GABRA2: variants seen among roughly 807,000 people sequenced by gnomAD.
GABRA2 encodes the protein gamma-aminobutyric acid receptor subunit alpha-2.
Under a neutral mutation model 48.7 loss-of-function variants are expected in GABRA2, and 16 were observed. The ratio of observed to expected loss-of-function variants is 0.33; its 90% CI spans 0.22 to 0.50. The LOEUF is 0.50. Ranked by LOEUF, GABRA2 falls within the 20% of genes least tolerant of loss-of-function variation. GABRA2 has a pLI of 0.98. For synonymous variants in GABRA2, 185 were observed against 184.5 expected, an observed-to-expected ratio of 1.00 and a Z score of -0.02; for missense variants, 275 against 535.6, an observed-to-expected ratio of 0.51 and a Z score of 4.80.
intron 4 of GABRA2, among the ~76,000 whole-genome samples, chr4:46,328,134 A>G (rs1292744751): frequency 6.6e-6 from 1 of 152,044 alleles, no homozygotes; most frequent in Non-Finnish European, 1.5e-5. Flanking sequence ...ATACATTTCA[A>G]AAATTAATTA....
At chr4:46,266,170 C>T (rs557878868) in intron 8 of GABRA2, among the ~76,000 whole-genome samples, 1 of 151,084 alleles carries the variant, frequency 6.6e-6, no homozygotes, top group Admixed American at 6.6e-5. Flanking sequence ...GTCTAGTTGG[C>T]GTATTCTCTA....
chr4:46,316,599 T>G (rs1438284892), intron 4 of GABRA2, among the ~76,000 whole-genome samples: 16 of 152,018 alleles, frequency 1.1e-4, no homozygotes, highest in Non-Finnish European at 2.4e-4. Context: ...ATTTATATTC[T>G]CACTAGAAGT....
intron 5 of GABRA2, among the ~76,000 whole-genome samples, chr4:46,312,031 G>A (rs987591774): frequency 6.6e-6 from 1 of 152,120 alleles, no homozygotes; most frequent in Non-Finnish European, 1.5e-5. Flanking sequence ...CCCAGGAAGC[G>A]GAGGTTGAAG....
At position 46,244,958 on chromosome 4, in the gene GABRA2, C is replaced by A. The variant is rs912659554; in HGVS notation, c.*5350G>T. 6.6e-6 allele frequency among the ~76,000 whole-genome samples: 1 copy of A among 151,192 alleles called. No homozygotes were observed. The highest frequency in any genetic ancestry group is 1.5e-5 in the Non-Finnish European group (1 of 67,506). On this transcript the variant is annotated 3_prime_UTR_variant, in exon 10 of 10. Coordinates refer to ENST00000381620, the MANE Select transcript of GABRA2 (RefSeq NM_000807.4). ...ATGGCTCCCTTATTGAATGAATATT[C>A]CCCAAAAGGCATGAATATAAATTTG...
At position 46,307,699 on chromosome 4, in the gene GABRA2, T is replaced by C. The variant is rs144666504; in HGVS notation, c.560-1988A>G. On this transcript the variant is annotated intron_variant, in intron 6 of 9. Coordinates refer to ENST00000381620, the MANE Select transcript of GABRA2 (RefSeq NM_000807.4). ...ATAATATTTGAACTATGTTCTTTAC[T>C]GCTATGGAAGATGGAAATCTAGAGA... 3.3e-3 allele frequency among the ~76,000 whole-genome samples: 498 copies of C among 152,304 alleles called. 1 individual carries two copies. Among genetic ancestry groups the C allele is most frequent in the African/African-American group, 0.011 (448 of 41,584 alleles).
At chr4:46,260,088 T>C (rs568039897) in intron 9 of GABRA2, among the ~76,000 whole-genome samples, 2 of 151,888 alleles carry the variant, frequency 1.3e-5, no homozygotes, top group Non-Finnish European at 2.9e-5. Flanking sequence ...TGGTATTATA[T>C]TGTCGGATTT....
At chr4:46,353,615 C>G (rs935848966) in intron 3 of GABRA2, among the ~76,000 whole-genome samples, 1 of 152,098 alleles carries the variant, frequency 6.6e-6, no homozygotes, top group African/African-American at 2.4e-5. Flanking sequence ...TGTTTCACAT[C>G]TTTTGAACTG....
intron 3 of GABRA2, chr4:46,366,435 G>A (rs1164084681): frequency 6.6e-6 from 1 of 152,056 alleles, no homozygotes; most frequent in East Asian, 1.9e-4. Context: ...CTCCTCCAAA[G>A]CATACATATA....
chr4:46,279,202 C>T (rs1721053212), intron 8 of GABRA2, among the ~76,000 whole-genome samples: 1 of 152,042 alleles, frequency 6.6e-6, no homozygotes, highest in Non-Finnish European at 1.5e-5. Context: ...TGATACAGCA[C>T]TCTGATTTCC....
rs572407144 is a variant in GABRA2, at chr4:46,335,619, G to A, written c.188-2937C>T. On this transcript the variant is annotated intron_variant, in intron 3 of 9. Coordinates refer to ENST00000381620, the MANE Select transcript of GABRA2 (RefSeq NM_000807.4). ...CTCCCAAGTAACTGGGACTACAGAC[G>A]CACACCACGTCCAGCTAGTTTTTGT... 1.6e-3 allele frequency among the ~76,000 whole-genome samples: 245 copies of A among 152,128 alleles called. 1 individual carries two copies. The highest frequency in any genetic ancestry group is 2.9e-3 in the Non-Finnish European group (196 of 67,982).
chr4:46,387,180 G>A (rs1240426320), intron 2 of GABRA2, among the ~76,000 whole-genome samples: 1 of 151,806 alleles, frequency 6.6e-6, no homozygotes, highest in Non-Finnish European at 1.5e-5. Flanking sequence ...ATACAATACT[G>A]GCATAAGCAT....
At chr4:46,280,129 A>G (rs555720433) in intron 8 of GABRA2, among the ~76,000 whole-genome samples, 1 of 152,132 alleles carries the variant, frequency 6.6e-6, no homozygotes, top group South Asian at 2.1e-4. Flanking sequence ...CAGAATATAT[A>G]TATATTTATA....
intron 4 of GABRA2, among the ~76,000 whole-genome samples, chr4:46,329,995 T>C (rs980293317): frequency 1.3e-5 from 2 of 152,122 alleles, no homozygotes; most frequent in Non-Finnish European, 2.9e-5. Context: ...AGATGCTGAA[T>C]ATGCATTTCA....
rs568670661 is a variant in GABRA2, at chr4:46,296,686, G to A, written c.856+6774C>T. ...AAAAAAAGAAAAAAAAAAACCTGCT[G>A]AGGTGCTTGCTGAAGGCAAAGGAAA... On this transcript the variant is annotated intron_variant, in intron 8 of 9. Coordinates refer to ENST00000381620, the MANE Select transcript of GABRA2 (RefSeq NM_000807.4). Among the ~76,000 whole-genome samples, 177 of 148,070 alleles carry A rather than the reference G, an allele frequency of 1.2e-3. 1 individual carries two copies. The highest frequency in any genetic ancestry group is 3.7e-3 in the Middle Eastern group (1 of 272).
rs1281215793 is a variant in GABRA2 at position 46,385,348 on chromosome 4, T to A, written c.187+726A>T. On this transcript the variant is annotated intron_variant, in intron 3 of 9. Transcript: ENST00000381620. ...AACAAACAAGTGATAAATGTGATCA[T>A]TAAAATTTAACATATTAGCCAAGCC... is the stretch of plus-strand genomic sequence containing the variant. 3.3e-5 allele frequency among the ~76,000 whole-genome samples: 5 copies of A among 151,820 alleles called. No homozygotes were observed. The East Asian group carries it at 7.7e-4, about 23-fold the overall frequency.
rs1409428855 is a variant in GABRA2 at position 46,248,849 on chromosome 4, C to G, written c.*1459G>C. On this transcript the variant is annotated 3_prime_UTR_variant, in exon 10 of 10. Transcript: ENST00000381620. ...AACTAATAACTGCTAATGTACATGT[C>G]AATCAAAAGTATTTGAAGTTTGCCA... The G allele has an allele frequency of 1.3e-5, 2 of 151,374 alleles. No individual in the cohort carries two copies. Among genetic ancestry groups the G allele is most frequent in the African/African-American group, 4.8e-5 (2 of 41,322 alleles). The allele number at this position is 151,374 out of a possible 1,614,324, so 9.4% of individuals were successfully genotyped here.
At chr4:46,295,565 A>C (rs1186736115) in intron 8 of GABRA2, among the ~76,000 whole-genome samples, 1 of 152,208 alleles carries the variant, frequency 6.6e-6, no homozygotes, top group Non-Finnish European at 1.5e-5. Context: ...CAATGGGTCC[A>C]TGGACAATGT....
chr4:46,260,442 T>C (rs1038227118), intron 9 of GABRA2, among the ~76,000 whole-genome samples: 2 of 151,932 alleles, frequency 1.3e-5, no homozygotes, highest in Non-Finnish European at 2.9e-5. Flanking sequence ...GAGGTACTTC[T>C]GTTTTCCAAA....
intron 8 of GABRA2, among the ~76,000 whole-genome samples, chr4:46,277,482 CCACCCAGG>C (rs1367669248): frequency 1.3e-5 from 2 of 152,154 alleles, no homozygotes; most frequent in South Asian, 4.1e-4. Context: ...TATCCTACTA[CCACCCAGG>C]CATTCTGCTC....
Sources: gnomAD v4.1 joint callset for allele counts (sites outside exome capture counted in the v4.1 genomes callset) on GRCh38, gnomAD v4.1.1 for gene constraint, MANE v1.5 for transcripts, NCBI Gene and HGNC (gene_info 2026-07-23, HGNC 2026-07-21) for gene names.